Variants in ADAMTS3 observed in about 807,000 individuals in gnomAD.
ADAMTS3 encodes ADAM metallopeptidase with thrombospondin type 1 motif 3, also known as A disintegrin and metalloproteinase with thrombospondin motifs 3.
A neutral mutation model predicts 129.0 loss-of-function variants in ADAMTS3; 73 were observed. The ratio of observed to expected loss-of-function variants is 0.57; its 90% confidence interval spans 0.47 to 0.69. The LOEUF (loss-of-function observed/expected upper bound fraction) is 0.69, where lower values mean the gene tolerates loss of function less well. Among genes scored for constraint, ADAMTS3 ranks in the 30% least tolerant of loss-of-function variants. The probability of loss-of-function intolerance (pLI) is 0.00; values close to 1 mark genes in which losing one functional copy is unlikely to be tolerated. For missense variants in ADAMTS3, 1,457 were observed against 1,514.5 expected (o/e 0.96, Z 0.63); for synonymous variants, 477 against 510.8 (o/e 0.93, Z 0.89).
intron 5 of ADAMTS3, among the ~76,000 whole-genome samples, chr4:72,336,548 T>C (rs1470558110): frequency 6.6e-6 from 1 of 152,170 alleles, no homozygotes; most frequent in Non-Finnish European, 1.5e-5. Flanking sequence ...GTCAGTATTT[T>C]GGGTCTAACA....
At chr4:72,561,734 A>G (rs527986794) in intron 2 of ADAMTS3, among the ~76,000 whole-genome samples, 1 of 152,334 alleles carries the variant, frequency 6.6e-6, no homozygotes, top group African/African-American at 2.4e-5. Context: ...TTTACTTGCT[A>G]CAAGTTTCCT....
chr4:72,555,631 CTA>C (rs1721744413), intron 2 of ADAMTS3, among the ~76,000 whole-genome samples: 1 of 151,822 alleles, frequency 6.6e-6, no homozygotes, highest in African/African-American at 2.4e-5. Context: ...CTTTCAGAAA[CTA>C]TAAGATCTTT....
At chr4:72,568,025 T>C (rs1722061602) in intron 1 of ADAMTS3, 1 of 152,948 alleles carries the variant, frequency 6.5e-6, no homozygotes, top group Non-Finnish European at 1.5e-5. Flanking sequence ...TCAACTTAGC[T>C]TTAAAAAGAG....
intron 3 of ADAMTS3, among the ~76,000 whole-genome samples, chr4:72,503,142 C>A (rs1179704139): frequency 1.3e-5 from 2 of 152,068 alleles, no homozygotes; most frequent in African/African-American, 4.8e-5. Context: ...TCTGCCTCAG[C>A]CTCCCAAGTA....
chr4:72,457,210 C>T (rs1170905532), intron 3 of ADAMTS3, among the ~76,000 whole-genome samples: 2 of 151,686 alleles, frequency 1.3e-5, no homozygotes, highest in Non-Finnish European at 3.0e-5. Flanking sequence ...GTTCCGTTTG[C>T]TTATTGCCCA....
intron 15 of ADAMTS3, among the ~76,000 whole-genome samples, chr4:72,306,286 A>T (rs939271082): frequency 2.6e-5 from 4 of 151,964 alleles, no homozygotes; most frequent in African/African-American, 9.7e-5. Context: ...GAGGGAAAAA[A>T]GTTAATCTTG....
intron 3 of ADAMTS3, among the ~76,000 whole-genome samples, chr4:72,529,712 AT>A (rs1249945761): frequency 2.3e-4 from 25 of 110,096 alleles, no homozygotes; most frequent in African/African-American, 7.1e-4. Context: ...AATATTAAAT[AT>A]AATATATATT....
intron 5 of ADAMTS3, among the ~76,000 whole-genome samples, chr4:72,332,138 A>G (rs80014522): frequency 0.037 from 5,670 of 152,324 alleles, 353 homozygotes; most frequent in African/African-American, 0.13. Flanking sequence ...GACTCAAAAC[A>G]GAAAACTGCT....
chr4:72,422,295 T>A (rs765504843), intron 3 of ADAMTS3, among the ~76,000 whole-genome samples: 1 of 147,852 alleles, frequency 6.8e-6, no homozygotes, highest in Non-Finnish European at 1.5e-5. Flanking sequence ...AATATCAAGA[T>A]AATGTTTTAT....
At chr4:72,401,458 T>G (rs2109908968) in intron 4 of ADAMTS3, among the ~76,000 whole-genome samples, 1 of 148,520 alleles carries the variant, frequency 6.7e-6, no homozygotes, top group Middle Eastern at 3.6e-3. Flanking sequence ...TCCCAGCTAC[T>G]TGGTAGGCTG....
intron 10 of ADAMTS3, among the ~76,000 whole-genome samples, chr4:72,317,007 A>G (rs552104590): frequency 6.6e-6 from 1 of 152,134 alleles, no homozygotes; most frequent in African/African-American, 2.4e-5. Context: ...TAATATCCAA[A>G]TGTTTGTATA....
intron 3 of ADAMTS3, among the ~76,000 whole-genome samples, chr4:72,520,497 G>A (rs1720634976): frequency 1.3e-5 from 2 of 152,364 alleles, no homozygotes; most frequent in African/African-American, 4.8e-5. Context: ...GCTCCACCCA[G>A]TTGGAGCTTC....
At position 72,567,226 on chromosome 4, in the gene ADAMTS3, G is replaced by A. The variant is rs1578801890; in HGVS notation, c.97+148C>T. 5 of 786,320 alleles carry A rather than the reference G, an allele frequency of 6.4e-6. No homozygotes were observed. In the East Asian group the frequency reaches 1.4e-4, roughly 21 times the overall value. The allele number at this position is 786,320 out of a possible 1,614,324, so 48.7% of individuals were successfully genotyped here. ...AAAGTGGGACCTTCCTCCAGAAAGA[G>A]GAAGAGAAGAACAGAAATGTTTCCG... is the stretch of plus-strand genomic sequence containing the variant. On this transcript the variant is annotated intron_variant, in intron 2 of 21. Transcript: ENST00000286657.
At chr4:72,361,741 C>G (rs919037186) in intron 4 of ADAMTS3, among the ~76,000 whole-genome samples, 1 of 151,946 alleles carries the variant, frequency 6.6e-6, no homozygotes, top group Non-Finnish European at 1.5e-5. Flanking sequence ...TATTTTTATC[C>G]CAGTCAGTTC....
At chr4:72,386,476 T>C (rs187450137) in intron 4 of ADAMTS3, among the ~76,000 whole-genome samples, 5 of 152,132 alleles carry the variant, frequency 3.3e-5, no homozygotes, top group East Asian at 1.9e-4. Context: ...TTCTCTCTCT[T>C]TTTTTTAAAG....
At chr4:72,506,518 A>C (rs1720163342) in intron 3 of ADAMTS3, among the ~76,000 whole-genome samples, 1 of 152,200 alleles carries the variant, frequency 6.6e-6, no homozygotes, top group Admixed American at 6.5e-5. Flanking sequence ...CTACATGTCC[A>C]TCATGCCAGC....
At chr4:72,543,543 A>G (rs765077580) in intron 3 of ADAMTS3, among the ~76,000 whole-genome samples, 2 of 152,186 alleles carry the variant, frequency 1.3e-5, no homozygotes, top group Non-Finnish European at 2.9e-5. Flanking sequence ...TTACAAAGTA[A>G]GGAAGTTCTG....
chr4:72,438,092 ACT>A (rs2109956765), intron 3 of ADAMTS3, among the ~76,000 whole-genome samples: 1 of 151,760 alleles, frequency 6.6e-6, no homozygotes, highest in East Asian at 2.0e-4. Context: ...ACCCATCTTT[ACT>A]CTGTGTGTGC....
chr4:72,309,973 G>A (rs1719190145), intron 14 of ADAMTS3, among the ~76,000 whole-genome samples: 1 of 151,976 alleles, frequency 6.6e-6, no homozygotes, highest in African/African-American at 2.4e-5. Context: ...ATTTTCACAG[G>A]GGCCAAAGAA....
Sources: gnomAD v4.1 joint callset for allele counts (sites outside exome capture counted in the v4.1 genomes callset) on GRCh38, gnomAD v4.1.1 for gene constraint, MANE v1.5 for transcripts, NCBI Gene and HGNC (gene_info 2026-07-23, HGNC 2026-07-21) for gene names.